Variants in PDE2A observed in about 807,000 individuals in gnomAD.
PDE2A encodes the protein phosphodiesterase 2A.
In PDE2A, 53 loss-of-function variants were observed where a neutral mutation model predicts 133.6. The ratio of observed to expected loss-of-function variants is 0.40; its 90% CI spans 0.32 to 0.50. The LOEUF (loss-of-function observed/expected upper bound fraction) is 0.50. Ranked by LOEUF, PDE2A falls within the 20% of genes least tolerant of loss-of-function variation. PDE2A has a pLI of 0.73. For missense variants in PDE2A, 796 were observed against 1,232.4 expected, an observed-to-expected ratio of 0.65 and a Z score of 5.30; for synonymous variants, 491 against 490.2, an observed-to-expected ratio of 1.00 and a Z score of -0.02.
At chr11:72,638,591 C>A (rs767304743) in intron 2 of PDE2A, among the ~76,000 whole-genome samples, 1 of 152,200 alleles carries the variant, frequency 6.6e-6, no homozygotes, top group Non-Finnish European at 1.5e-5. Context: ...TCCATGAGGC[C>A]AGTTTGGCCA....
At chr11:72,664,890 TCCG>T (rs1376902822) in intron 1 of PDE2A, among the ~76,000 whole-genome samples, 1 of 151,802 alleles carries the variant, frequency 6.6e-6, no homozygotes, top group Non-Finnish European at 1.5e-5. Flanking sequence ...CACTGCAACC[TCCG>T]CCTCCTGGGT....
chr11:72,644,353 T>G (rs1859069419), intron 1 of PDE2A, among the ~76,000 whole-genome samples: 1 of 152,268 alleles, frequency 6.6e-6, no homozygotes, highest in South Asian at 2.1e-4. Context: ...TGGGCTAAGA[T>G]GTGTAAAGGT....
chr11:72,585,107 G>A, intron 16 of PDE2A, 163 bp from the exon 17 acceptor site: 1 of 615,924 alleles, frequency 1.6e-6, no homozygotes, highest in Non-Finnish European at 2.7e-6. Flanking sequence ...GTCCATTCAA[G>A]TGTTTTGTTT....
chr11:72,615,591 C>G lies in PDE2A; in HGVS notation c.145-6840G>C, dbSNP rs536720318. Among the ~76,000 whole-genome samples the G allele has an allele frequency of 4.6e-5, 7 of 152,180 alleles. 1 individual carries two copies. The South Asian group carries it at 1.5e-3, about 32-fold the overall frequency. On this transcript the variant is annotated intron_variant, in intron 2 of 30. Coordinates refer to ENST00000334456, the MANE Select transcript of PDE2A (RefSeq NM_002599.5). The stretch of plus-strand genomic sequence containing the variant: ...AGCGGGGCAGAGCCAGCTCAGGTCT[C>G]CTCCCACCCCCTCCCACCTTCAGCT...
At chr11:72,588,262 C>T (rs761980531) in intron 13 of PDE2A, among the ~76,000 whole-genome samples, 1 of 152,202 alleles carries the variant, frequency 6.6e-6, no homozygotes, top group African/African-American at 2.4e-5. Flanking sequence ...CCAGGTTTGT[C>T]CTCAGTTCTC....
At position 72,590,679 on chromosome 11, in the gene PDE2A, C is replaced by G; in HGVS notation, c.550-99G>C. On this transcript the variant is annotated intron_variant, in intron 7 of 30. Coordinates refer to ENST00000334456, the MANE Select transcript of PDE2A (RefSeq NM_002599.5). This position sits in a 1 kb window ranked among gnomAD's most constrained non-coding sequence, Gnocchi z 4.8. ...TTGCTCCCGCCGTTCCCTCTGCCTGCCGGGCCCAGGGACCCCGCCGCCGTC... is the reference window on the plus strand; with the variant it reads ...TTGCTCCCGCCGTTCCCTCTGCCTGGCGGGCCCAGGGACCCCGCCGCCGTC... 8.7e-7 allele frequency: 1 copy of G among 1,154,692 alleles called. No homozygotes were observed. The highest frequency in any genetic ancestry group is 1.1e-6 in the Non-Finnish European group (1 of 884,872). The allele number at this position is 1,154,692 out of a possible 1,614,324, so 71.5% of individuals were successfully genotyped here.
chr11:72,585,954 C>A, intron 14 of PDE2A, 116 bp downstream of exon 14: 1 of 706,836 alleles, frequency 1.4e-6, no homozygotes, highest in Non-Finnish European at 2.5e-6. Context: ...ATGGAGCCAC[C>A]TGGGGAAGGG....
intron 1 of PDE2A, among the ~76,000 whole-genome samples, chr11:72,660,581 C>T (rs1367905375): frequency 6.6e-6 from 1 of 152,156 alleles, no homozygotes; most frequent in Non-Finnish European, 1.5e-5. Context: ...CTCTATTATC[C>T]TCTCCTTTCT....
chr11:72,655,055 G>A (rs1408514951), intron 1 of PDE2A, among the ~76,000 whole-genome samples: 1 of 152,200 alleles, frequency 6.6e-6, no homozygotes, highest in African/African-American at 2.4e-5. Flanking sequence ...ATCAGGGGAA[G>A]GTGTGGGGCT....
chr11:72,637,096 C>T (rs1858734402), intron 2 of PDE2A, among the ~76,000 whole-genome samples: 1 of 137,472 alleles, frequency 7.3e-6, no homozygotes, highest in African/African-American at 3.6e-5. Context: ...CCCCTCTGTC[C>T]AGAACTTTCT....
At chr11:72,617,212 C>T (rs74338241) in intron 2 of PDE2A, among the ~76,000 whole-genome samples, 6,344 of 152,302 alleles carry the variant, frequency 0.042, 205 homozygotes, top group Non-Finnish European at 0.064. Flanking sequence ...TCACTGTGCC[C>T]ATTGTGTGTG....
At chr11:72,606,733 A>G (rs1361411108) in intron 3 of PDE2A, among the ~76,000 whole-genome samples, 8 of 152,174 alleles carry the variant, frequency 5.3e-5, no homozygotes, top group South Asian at 2.1e-4. Context: ...TTTGGCCCAA[A>G]GAGGTTAAGA....
chr11:72,663,714 G>A (rs1402027358), intron 1 of PDE2A, among the ~76,000 whole-genome samples: 2 of 135,356 alleles, frequency 1.5e-5, no homozygotes, highest in Non-Finnish European at 3.1e-5. Context: ...GGGCGACAGA[G>A]CAAGACTGTC....
At chr11:72,641,759 G>A (rs1344611430) in intron 2 of PDE2A, among the ~76,000 whole-genome samples, 7 of 152,240 alleles carry the variant, frequency 4.6e-5, no homozygotes, top group Non-Finnish European at 7.3e-5. Context: ...GAGGACTGAA[G>A]TCCAGATGTT....
At chr11:72,594,037 A>C (rs1856369341) in intron 6 of PDE2A, among the ~76,000 whole-genome samples, 1 of 152,202 alleles carries the variant, frequency 6.6e-6, no homozygotes, top group South Asian at 2.1e-4. Context: ...TGCTCACTTT[A>C]GTGCTTCTCA....
chr11:72,577,724 A>T (rs1057470290), intron 30 of PDE2A, 130 bp from the exon 31 acceptor site: 3 of 675,140 alleles, frequency 4.4e-6, no homozygotes, highest in African/African-American at 3.6e-5. Flanking sequence ...TGTAATCCCA[A>T]CACTCAGAGA....
chr11:72,594,692 C>A (rs1330105522), intron 6 of PDE2A, among the ~76,000 whole-genome samples: 3 of 152,134 alleles, frequency 2.0e-5, no homozygotes, highest in Non-Finnish European at 4.4e-5. Flanking sequence ...AGCACACCAC[C>A]CCTTCCCCCG....
chr11:72,598,693 G>C lies in PDE2A; in HGVS notation c.324-1074C>G, dbSNP rs1009051241. On this transcript the variant is annotated intron_variant, in intron 4 of 30. Coordinates refer to ENST00000334456, the MANE Select transcript of PDE2A (RefSeq NM_002599.5). The stretch of plus-strand genomic sequence containing the variant: ...CAAAGGTCACATGAGGAAAAGGAGG[G>C]GGTGGCCTGCAAGTCACGAGATCAC... 5.5e-6 allele frequency: 7 copies of C among 1,282,762 alleles called. No individual in the cohort carries two copies. In the African/African-American group the frequency reaches 1.1e-4, roughly 20 times the overall value. 79.5% of individuals were successfully genotyped at this position (1,282,762 alleles called of 1,614,324 possible).
intron 2 of PDE2A, among the ~76,000 whole-genome samples, chr11:72,626,817 C>CA (rs1858102135): frequency 6.6e-6 from 1 of 152,236 alleles, no homozygotes; most frequent in African/African-American, 2.4e-5. Flanking sequence ...AAGCCTTCCT[C>CA]AGCCCAGCAC....
Sources: gnomAD v4.1 joint callset for allele counts (sites outside exome capture counted in the v4.1 genomes callset) on GRCh38, gnomAD v4.1.1 for gene constraint, Gnocchi (gnomAD v3.1) non-coding constraint, MANE v1.5 for transcripts, NCBI Gene and HGNC (gene_info 2026-07-23, HGNC 2026-07-21) for gene names.